TMEM266: variants seen among roughly 807,000 people sequenced by gnomAD.
The protein encoded by TMEM266 is Hv1 related protein 1.
In TMEM266, 33 loss-of-function variants were observed where a neutral mutation model predicts 50.5. The ratio of observed to expected loss-of-function variants is 0.65; its 90% CI spans 0.50 to 0.87. The LOEUF is 0.87. TMEM266 is among the 40% of genes least tolerant of loss of function. The pLI, the probability that TMEM266 is intolerant of heterozygous loss-of-function variation, is 0.00. For missense variants in TMEM266, 655 were observed against 695.1 expected, an observed-to-expected ratio of 0.94 and a Z score of 0.65; for synonymous variants, 310 against 292.3, an observed-to-expected ratio of 1.06 and a Z score of -0.62.
intron 1 of TMEM266, among the ~76,000 whole-genome samples, chr15:76,076,186 G>A (rs184018405): frequency 3.3e-5 from 5 of 151,872 alleles, no homozygotes; most frequent in East Asian, 1.9e-4. Flanking sequence ...GCCTTCTAAC[G>A]TTCCATCCTG....
At chr15:76,095,787 T>A (rs1041897864) in intron 1 of TMEM266, among the ~76,000 whole-genome samples, 1 of 152,068 alleles carries the variant, frequency 6.6e-6, no homozygotes, top group African/African-American at 2.4e-5. Context: ...TGCCTCAATT[T>A]CAGAACTTGT....
At chr15:76,152,991 A>G (rs1461576920) in intron 3 of TMEM266, among the ~76,000 whole-genome samples, 1 of 152,096 alleles carries the variant, frequency 6.6e-6, no homozygotes, top group Admixed American at 6.6e-5. Flanking sequence ...CCAGTCCTCT[A>G]CCTGGCTCTT....
chr15:76,166,769 G>C (rs928036188), intron 5 of TMEM266, among the ~76,000 whole-genome samples: 1 of 152,216 alleles, frequency 6.6e-6, no homozygotes, highest in Non-Finnish European at 1.5e-5. Flanking sequence ...CATAGAGACA[G>C]AAAGTAGAAT....
intron 1 of TMEM266, among the ~76,000 whole-genome samples, chr15:76,075,089 A>G (rs1024904964): frequency 2.0e-5 from 3 of 152,100 alleles, no homozygotes; most frequent in Non-Finnish European, 4.4e-5. Flanking sequence ...AATCTGTGAG[A>G]CATGTAATTG....
Position 76,204,540 on chromosome 15 carries a change from C to CTCG in TMEM266, c.*227_*229dup. The CTCG allele has an allele frequency of 2.3e-6, 1 of 430,798 alleles. No individual in the cohort carries two copies. The highest frequency in any genetic ancestry group is 3.5e-5 in the East Asian group (1 of 28,950). The allele number at this position is 430,798 out of a possible 1,614,324, so 26.7% of individuals were successfully genotyped here. On this transcript the variant is annotated 3_prime_UTR_variant, in exon 11 of 11. Coordinates refer to ENST00000388942, the MANE Select transcript of TMEM266 (RefSeq NM_152335.3). ...TCGCCCTGCTCAGGGGAGGGTGGTG[C>CTCG]TCGTGGCTGGGTTTTCTTTTTAACC...
At position 76,139,909 on chromosome 15, in the gene TMEM266, C is replaced by T. The variant is rs1339900556; in HGVS notation, c.227+2014C>T. On this transcript the variant is annotated intron_variant, in intron 3 of 10. Transcript: ENST00000388942. This position sits in a 1 kb window ranked among gnomAD's most constrained non-coding sequence, Gnocchi z 4.1. ...TATGGGTGTTCCCCCACCAGGTGTA[C>T]CACCCTGTGATGTACCCCTTTCAGG... Among the ~76,000 whole-genome samples, 3 of 152,200 alleles carry T rather than the reference C, an allele frequency of 2.0e-5. No homozygotes were observed. The highest frequency in any genetic ancestry group is 2.0e-4 in the Admixed American group (3 of 15,284).
intron 8 of TMEM266, among the ~76,000 whole-genome samples, chr15:76,185,143 A>G (rs2038474776): frequency 6.6e-6 from 1 of 152,100 alleles, no homozygotes; most frequent in Non-Finnish European, 1.5e-5. Context: ...GGAGTTTCTT[A>G]AATTTGTGGA....
At position 76,168,584 on chromosome 15, in the gene TMEM266, T is replaced by A. The variant is rs2038134353; in HGVS notation, c.457-1232T>A. On this transcript the variant is annotated intron_variant, in intron 5 of 10. Transcript: ENST00000388942. The surrounding 1 kb of genome is among the most constrained non-coding windows in gnomAD (Gnocchi z 4.4). ...ATTTAGGGGCTTCTTTGGAGAAAGA[T>A]GTCCTCTTGGTGAGGAAACCGCTCC... Among the ~76,000 whole-genome samples the A allele has an allele frequency of 6.6e-6, 1 of 152,258 alleles. No homozygotes were observed. The highest frequency in any genetic ancestry group is 2.4e-5 in the African/African-American group (1 of 41,474).
intron 1 of TMEM266, among the ~76,000 whole-genome samples, chr15:76,104,219 T>A (rs865958261): frequency 0.055 from 7,206 of 131,094 alleles, 537 homozygotes; most frequent in African/African-American, 0.17. Flanking sequence ...AAAAAAAAAA[T>A]TATATTTGGG....
At chr15:76,137,683 C>G in intron 2 of TMEM266, 24 bp from the exon 3 acceptor site, 1 of 1,610,774 alleles carries the variant, frequency 6.2e-7, no homozygotes, top group Non-Finnish European at 8.5e-7. Flanking sequence ...AACTCTTTCC[C>G]ATTGTTCCTC....
chr15:76,201,535 G>A (rs979900331), intron 9 of TMEM266, among the ~76,000 whole-genome samples: 11 of 152,188 alleles, frequency 7.2e-5, no homozygotes, highest in East Asian at 1.9e-4. Context: ...GCATCATCAC[G>A]CCCAGCTAAT....
At position 76,143,336 on chromosome 15, in the gene TMEM266, C is replaced by T. The variant is rs568858565; in HGVS notation, c.227+5441C>T. Reference sequence around the variant, plus strand: ...CCCTTCACCCCTCCCATTCATGTCTCAATCTGCTGCAGTCCAGCTTCAGCC... The same window carrying T: ...CCCTTCACCCCTCCCATTCATGTCTTAATCTGCTGCAGTCCAGCTTCAGCC... On this transcript the variant is annotated intron_variant, in intron 3 of 10. Transcript: ENST00000388942. Among the ~76,000 whole-genome samples, 24 of 152,294 alleles carry T rather than the reference C, an allele frequency of 1.6e-4. 1 individual carries two copies. The South Asian group carries it at 4.8e-3, about 30-fold the overall frequency.
At chr15:76,154,605 C>T (rs2037896326) in intron 3 of TMEM266, among the ~76,000 whole-genome samples, 1 of 152,038 alleles carries the variant, frequency 6.6e-6, no homozygotes, top group Non-Finnish European at 1.5e-5. Flanking sequence ...ATCGACCATC[C>T]CCAGCCCCAT....
chr15:76,204,415 C>T lies in TMEM266; in HGVS notation c.*100C>T. 8.3e-7 allele frequency: 1 copy of T among 1,198,474 alleles called. No homozygotes were observed. 74.2% of individuals were successfully genotyped at this position (1,198,474 alleles called of 1,614,324 possible). A position where few individuals can be genotyped will look rare whatever the true frequency, so the allele number is the denominator to read the frequency against. On this transcript the variant is annotated 3_prime_UTR_variant, in exon 11 of 11. Coordinates refer to ENST00000388942, the MANE Select transcript of TMEM266 (RefSeq NM_152335.3). ...GGGCCACACGCGGGGCCCAGGAGCCCACCTGGCCTCCCTCAGGGTGCTGCC... is the reference window on the plus strand; with the variant it reads ...GGGCCACACGCGGGGCCCAGGAGCCTACCTGGCCTCCCTCAGGGTGCTGCC...
At chr15:76,144,618 C>G (rs980698921) in intron 3 of TMEM266, among the ~76,000 whole-genome samples, 2 of 152,304 alleles carry the variant, frequency 1.3e-5, no homozygotes, top group African/African-American at 4.8e-5. Flanking sequence ...TGCTTCTGGC[C>G]TTCACCACTC....
At chr15:76,096,722 T>C (rs570608879) in intron 1 of TMEM266, among the ~76,000 whole-genome samples, 1 of 152,138 alleles carries the variant, frequency 6.6e-6, no homozygotes, top group East Asian at 1.9e-4. Flanking sequence ...AGTCTCCCAC[T>C]ATTATTGTGT....
intron 1 of TMEM266, among the ~76,000 whole-genome samples, chr15:76,060,408 G>T (rs2036277765): frequency 6.6e-6 from 1 of 152,162 alleles, no homozygotes; most frequent in Non-Finnish European, 1.5e-5. Context: ...TGGCAAGCGG[G>T]CGCCTATTTT....
rs776782113 is a variant in TMEM266, at chr15:76,137,854, G to A, written c.186G>A (p.Ser62=). 31 of 1,602,334 alleles carry A rather than the reference G, an allele frequency of 1.9e-5. No homozygotes were observed. In the East Asian group the frequency reaches 2.0e-4, roughly 10 times the overall value. ...CTGTCGATCTCTCCACGGCGGGCTC[G>A]CAGCTCCTGTCAAATCTGGACGAAG... Residue 62 remains serine (S), a synonymous_variant, in exon 3 of 11, where the codon TCG becomes TCA. Transcript: ENST00000388942.
chr15:76,137,740 G>A lies in TMEM266; in HGVS notation c.72G>A (p.Glu24=), dbSNP rs2142031971. ...TAGAAGGAGGAATTTCTGAAGTTGAGATCATCTCCCAACAAGTAGACGAAG... is the reference window on the plus strand; with the variant it reads ...TAGAAGGAGGAATTTCTGAAGTTGAAATCATCTCCCAACAAGTAGACGAAG... ...EVEIISQQVD[E]ETKSIAPVQL... The change falls in exon 3 of 11, where the codon GAG becomes GAA. Residue 24 remains glutamate, a synonymous_variant. Coordinates refer to ENST00000388942, the MANE Select transcript of TMEM266 (RefSeq NM_152335.3). 1.9e-6 allele frequency: 3 copies of A among 1,614,192 alleles called. No homozygotes were observed. Among genetic ancestry groups the A allele is most frequent in the African/African-American group, 1.3e-5 (1 of 75,052 alleles).
Sources: gnomAD v4.1 joint callset for allele counts (sites outside exome capture counted in the v4.1 genomes callset) on GRCh38, gnomAD v4.1.1 for gene constraint, Gnocchi (gnomAD v3.1) non-coding constraint, MANE v1.5 for transcripts, NCBI Gene and HGNC (gene_info 2026-07-23, HGNC 2026-07-21) for gene names.